The following STAG1 variants were observed in gnomAD, a reference collection of about 807,000 sequenced individuals.
STAG1 encodes the protein STAG1 cohesin complex component.
In STAG1, 26 loss-of-function variants were observed where a neutral mutation model predicts 170.9. That is an observed-to-expected ratio of 0.15 (90% CI 0.11 to 0.21). The LOEUF is 0.21. Among genes scored for constraint, STAG1 ranks in the 10% least tolerant of loss-of-function variants. The pLI is 1.00. For synonymous variants in STAG1, 514 were observed against 497.7 expected (o/e 1.03, Z -0.44); for missense variants, 964 against 1,509.5 (o/e 0.64, Z 5.99).
intron 21 of STAG1, among the ~76,000 whole-genome samples, chr3:136,414,652 G>C (rs929427323): frequency 6.6e-6 from 1 of 152,184 alleles, no homozygotes; most frequent in African/African-American, 2.4e-5. Context: ...ATGGTATCTA[G>C]AATGGTGAAT....
chr3:136,690,330 G>A (rs947828708), intron 1 of STAG1, among the ~76,000 whole-genome samples: 6 of 152,134 alleles, frequency 3.9e-5, no homozygotes, highest in South Asian at 2.1e-4. Flanking sequence ...TCCACGTCCC[G>A]TGCTCAAGTG....
chr3:136,599,496 A>G (rs1217067884), intron 4 of STAG1, among the ~76,000 whole-genome samples: 1 of 152,148 alleles, frequency 6.6e-6, no homozygotes, highest in Non-Finnish European at 1.5e-5. Context: ...GCGCCACTGC[A>G]CTCCAGCCTG....
At chr3:136,424,863 T>C (rs2088068117) in intron 16 of STAG1, among the ~76,000 whole-genome samples, 1 of 152,116 alleles carries the variant, frequency 6.6e-6, no homozygotes, top group Non-Finnish European at 1.5e-5. Flanking sequence ...TCTTTTTTGA[T>C]GGAGTCTCAC....
intron 22 of STAG1, among the ~76,000 whole-genome samples, chr3:136,391,823 T>C (rs956756482): frequency 1.3e-5 from 2 of 152,214 alleles, no homozygotes; most frequent in Non-Finnish European, 2.9e-5. Flanking sequence ...TGGAGCAAAG[T>C]ATACTTAGCA....
chr3:136,424,931 C>A (rs1239345071), intron 16 of STAG1, among the ~76,000 whole-genome samples: 1 of 152,018 alleles, frequency 6.6e-6, no homozygotes, highest in African/African-American at 2.4e-5. Flanking sequence ...CCTCTGACTC[C>A]CTGGTTCAAG....
At chr3:136,437,494 A>G (rs1418467254) in intron 15 of STAG1, among the ~76,000 whole-genome samples, 1 of 152,200 alleles carries the variant, frequency 6.6e-6, no homozygotes, top group Admixed American at 6.5e-5. Flanking sequence ...CTAACACAAC[A>G]TATAACTATA....
chr3:136,739,665 CA>C (rs754913331), intron 1 of STAG1, among the ~76,000 whole-genome samples: 2 of 150,142 alleles, frequency 1.3e-5, no homozygotes, highest in South Asian at 2.1e-4. Flanking sequence ...ACTAAAAATA[CA>C]AAAAAAAATT....
chr3:136,642,299 T>A (rs2107847636), intron 1 of STAG1, among the ~76,000 whole-genome samples: 1 of 138,460 alleles, frequency 7.2e-6, no homozygotes, highest in East Asian at 2.4e-4. Flanking sequence ...TTTGAGACAT[T>A]CTTGCTCTGT....
intron 7 of STAG1, among the ~76,000 whole-genome samples, chr3:136,520,586 A>T (rs892616075): frequency 5.3e-5 from 8 of 152,138 alleles, no homozygotes; most frequent in African/African-American, 1.9e-4. Context: ...CGTTACTGAA[A>T]ACCAAGAAAA....
intron 1 of STAG1, among the ~76,000 whole-genome samples, chr3:136,667,652 C>A (rs957018558): frequency 1.3e-5 from 2 of 152,024 alleles, no homozygotes; most frequent in African/African-American, 2.4e-5. Flanking sequence ...CATGCCACCA[C>A]GCCCAGCTAA....
At chr3:136,404,958 G>A (rs1215833612) in intron 21 of STAG1, among the ~76,000 whole-genome samples, 1 of 151,896 alleles carries the variant, frequency 6.6e-6, no homozygotes, top group East Asian at 1.9e-4. Flanking sequence ...TAATGACAGT[G>A]GAAAATCTGG....
At chr3:136,579,958 A>ATTTCTTTTTTTTTTTTTT in intron 4 of STAG1, among the ~76,000 whole-genome samples, 1 of 73,626 alleles carries the variant, frequency 1.4e-5, no homozygotes, top group Non-Finnish European at 2.4e-5. Flanking sequence ...TACCATCTGA[A>ATTTCTTTTTTTTTTTTTT]TTTTTTTTTT....
chr3:136,627,888 A>G (rs1940175006), intron 2 of STAG1, among the ~76,000 whole-genome samples: 1 of 152,192 alleles, frequency 6.6e-6, no homozygotes. Flanking sequence ...TTCCCTAGAT[A>G]CTGCAACATC....
chr3:136,697,972 A>G (rs1942946950), intron 1 of STAG1, among the ~76,000 whole-genome samples: 1 of 152,154 alleles, frequency 6.6e-6, no homozygotes, highest in South Asian at 2.1e-4. Flanking sequence ...CTGTTTTCTT[A>G]TGAAATACAC....
chr3:136,747,922 G>A (rs1206283034), intron 1 of STAG1, among the ~76,000 whole-genome samples: 1 of 150,992 alleles, frequency 6.6e-6, no homozygotes, highest in Admixed American at 6.6e-5. Flanking sequence ...GACTACAGGT[G>A]CCCGCCACCA....
At chr3:136,671,277 C>T (rs541301692) in intron 1 of STAG1, among the ~76,000 whole-genome samples, 5 of 152,070 alleles carry the variant, frequency 3.3e-5, no homozygotes, top group Admixed American at 6.5e-5. Context: ...GAGCGAGACA[C>T]CATCTCAAAA....
intron 3 of STAG1, among the ~76,000 whole-genome samples, chr3:136,611,629 G>A (rs1300648219): frequency 6.7e-6 from 1 of 148,336 alleles, no homozygotes; most frequent in African/African-American, 2.5e-5. Context: ...TAAGTAGTTG[G>A]GACTATAAGC....
intron 28 of STAG1, among the ~76,000 whole-genome samples, chr3:136,353,307 G>A (rs1936507212): frequency 6.6e-6 from 1 of 152,110 alleles, no homozygotes; most frequent in Non-Finnish European, 1.5e-5. Flanking sequence ...AGAAATAATG[G>A]CTAAAAACTT....
chr3:136,509,659 C>T (rs1933948672), intron 7 of STAG1, among the ~76,000 whole-genome samples: 2 of 151,964 alleles, frequency 1.3e-5, no homozygotes, highest in South Asian at 4.2e-4. Context: ...TATTTAAAAT[C>T]ACAATTAAAA....
Sources: gnomAD v4.1 joint callset for allele counts (sites outside exome capture counted in the v4.1 genomes callset) on GRCh38, gnomAD v4.1.1 for gene constraint, MANE v1.5 for transcripts, NCBI Gene and HGNC (gene_info 2026-07-23, HGNC 2026-07-21) for gene names.